The following MEI1 variants were observed in gnomAD, a reference collection of about 807,000 sequenced individuals.
The protein encoded by MEI1 is meiotic double-stranded break formation protein 1, also known as meiosis inhibitor protein 1.
A neutral mutation model predicts 146.2 loss-of-function variants in MEI1; 103 were observed. That is an observed-to-expected ratio of 0.70 (90% CI 0.60 to 0.83). The LOEUF is 0.83. MEI1 is among the 40% of genes least tolerant of loss of function. The pLI is 0.00. For synonymous variants in MEI1, 652 were observed against 628.2 expected (o/e 1.04, Z -0.57); for missense variants, 1,529 against 1,533.0 (o/e 1.00, Z 0.04).
intron 3 of MEI1, 98 bp downstream of exon 3, chr22:41,705,652 C>A: frequency 1.0e-6 from 1 of 999,762 alleles, no homozygotes; most frequent in Non-Finnish European, 1.6e-6. Context: ...TCTGTTTAGA[C>A]ACAGATAAGA....
intron 6 of MEI1, 82 bp from the exon 7 acceptor site, chr22:41,723,860 TG>T (rs1008885985): frequency 6.8e-7 from 1 of 1,476,016 alleles, no homozygotes; most frequent in African/African-American, 1.4e-5. Flanking sequence ...GAAGTTTCTC[TG>T]GGGATGTCTG....
At chr22:41,721,753 G>A (rs1017186959) in intron 6 of MEI1, among the ~76,000 whole-genome samples, 1 of 114,508 alleles carries the variant, frequency 8.7e-6, no homozygotes, top group Non-Finnish European at 1.6e-5. Flanking sequence ...ATGGAGTCTC[G>A]CTCTTTCACC....
chr22:41,795,842 C>T lies in MEI1; in HGVS notation c.3774C>T (p.Asp1258=). 2 of 1,613,446 alleles carry T rather than the reference C, an allele frequency of 1.2e-6. No homozygotes were observed. The highest frequency in any genetic ancestry group is 1.7e-6 in the Non-Finnish European group (2 of 1,179,644). The change falls in exon 30 of 31, where the codon GAC becomes GAT. Residue 1258 remains aspartate, a synonymous_variant. Coordinates refer to ENST00000401548, the MANE Select transcript of MEI1 (RefSeq NM_152513.4). This position sits in a 1 kb window ranked among gnomAD's most constrained non-coding sequence, Gnocchi z 4.2. ...STSSGQPPLQ[D]MLCLGGVAVS... is the part of the protein sequence containing the mutation. ...CCTCAGGCCAGCCACCCCTGCAGGA[C>T]ATGCTGTATCCTTTCTTGCATCTAT...
At position 41,736,454 on chromosome 22, in the gene MEI1, C is replaced by T. The variant is rs576160824; in HGVS notation, c.1331+3851C>T. ...ATTTTTAGTAGAGACAGGGTTTCAC[C>T]GTGTTAGCCAGGATGGTCTCGATCT... is the stretch of plus-strand genomic sequence containing the variant. On this transcript the variant is annotated intron_variant, in intron 11 of 30. Transcript: ENST00000401548. Among the ~76,000 whole-genome samples the T allele has an allele frequency of 1.6e-4, 25 of 151,910 alleles. 1 individual carries two copies. Among genetic ancestry groups the T allele is most frequent in the Admixed American group, 5.9e-4 (9 of 15,212 alleles).
chr22:41,781,954 G>C (rs537366546), intron 24 of MEI1, 109 bp downstream of exon 24: 20 of 1,271,570 alleles, frequency 1.6e-5, no homozygotes, highest in Middle Eastern at 2.4e-4. Context: ...GTGTGACCTT[G>C]GCAAGGTATT....
intron 20 of MEI1, among the ~76,000 whole-genome samples, chr22:41,773,813 T>C (rs1261229230): frequency 6.6e-6 from 1 of 152,138 alleles, no homozygotes; most frequent in Non-Finnish European, 1.5e-5. Context: ...AGGCGGAGGT[T>C]GCAGTGAGCC....
chr22:41,789,373 A>G (rs2076097099), intron 26 of MEI1, among the ~76,000 whole-genome samples: 1 of 152,206 alleles, frequency 6.6e-6, no homozygotes, highest in African/African-American at 2.4e-5. Flanking sequence ...TATGTTGTCC[A>G]GGCTGGTCTT....
At chr22:41,713,539 T>TTTTTG (rs1569157082) in intron 3 of MEI1, among the ~76,000 whole-genome samples, 2 of 152,124 alleles carry the variant, frequency 1.3e-5, no homozygotes, top group Non-Finnish European at 2.9e-5. Context: ...CATAGTTGTT[T>TTTTTG]TTTTGTTTTG....
intron 3 of MEI1, among the ~76,000 whole-genome samples, chr22:41,707,601 G>T (rs1028628559): frequency 7.2e-5 from 11 of 152,096 alleles, no homozygotes; most frequent in African/African-American, 2.7e-4. Context: ...TTGAGCTCAG[G>T]AGTTCAAGTC....
intron 20 of MEI1, among the ~76,000 whole-genome samples, chr22:41,772,297 C>G (rs915647599): frequency 6.6e-6 from 1 of 152,070 alleles, no homozygotes; most frequent in African/African-American, 2.4e-5. Flanking sequence ...TCATGGCTCA[C>G]TGCAGCGTCA....
intron 5 of MEI1, among the ~76,000 whole-genome samples, chr22:41,716,453 T>C (rs936592004): frequency 1.1e-4 from 15 of 140,534 alleles, no homozygotes; most frequent in African/African-American, 4.1e-4. Context: ...CTCGACTCAC[T>C]GCAACCTCCA....
chr22:41,710,265 G>A (rs1040930841), intron 3 of MEI1, among the ~76,000 whole-genome samples: 6 of 152,146 alleles, frequency 3.9e-5, no homozygotes, highest in African/African-American at 1.4e-4. Flanking sequence ...CTGACACTTT[G>A]ATCTTGGGCT....
chr22:41,715,004 A>C (rs1007434476), intron 4 of MEI1, among the ~76,000 whole-genome samples: 4 of 152,234 alleles, frequency 2.6e-5, no homozygotes, highest in African/African-American at 7.2e-5. Context: ...TAAAACCATC[A>C]AGAACATTTC....
chr22:41,778,793 C>G lies in MEI1; in HGVS notation c.2796C>G (p.Ala932=). ...CAGAGCAAGAACTGGACAGCGTGGC[C>G]ATGAAGCTCCTTCACCAAGGTGCCC... ...NVSEQELDSV[A]MKLLHQVSKL... Residue 932 remains alanine (A), a synonymous_variant, in exon 22 of 31, where the codon GCC becomes GCG. Coordinates refer to ENST00000401548, the MANE Select transcript of MEI1 (RefSeq NM_152513.4). 6.2e-7 allele frequency: 1 copy of G among 1,605,108 alleles called. No individual in the cohort carries two copies. The highest frequency in any genetic ancestry group is 8.5e-7 in the Non-Finnish European group (1 of 1,175,944).
intron 18 of MEI1, 63 bp downstream of exon 18, chr22:41,758,596 A>C (rs1330759687): frequency 1.3e-6 from 2 of 1,508,976 alleles, no homozygotes; most frequent in Non-Finnish European, 1.8e-6. Context: ...AGTTCAGTTC[A>C]ATAAATAAGG....
At chr22:41,753,859 C>A in intron 16 of MEI1, 90 bp from the exon 17 acceptor site, 1 of 897,504 alleles carries the variant, frequency 1.1e-6, no homozygotes, top group South Asian at 1.4e-5. Context: ...TGGCACAAAG[C>A]AGTGGTGCCC....
At chr22:41,704,499 C>T (rs2068937439) in intron 2 of MEI1, among the ~76,000 whole-genome samples, 1 of 151,820 alleles carries the variant, frequency 6.6e-6, no homozygotes, top group Admixed American at 6.6e-5. Context: ...CTGCAACCTC[C>T]ACCTCCTGAG....
At chr22:41,788,767 C>T (rs183149541) in intron 26 of MEI1, among the ~76,000 whole-genome samples, 1 of 152,122 alleles carries the variant, frequency 6.6e-6, no homozygotes, top group Non-Finnish European at 1.5e-5. Flanking sequence ...ATAGCACTTT[C>T]ACCATTCGCC....
chr22:41,773,230 G>A (rs2075279724), intron 20 of MEI1, among the ~76,000 whole-genome samples: 1 of 152,146 alleles, frequency 6.6e-6, no homozygotes, highest in Non-Finnish European at 1.5e-5. Flanking sequence ...GTTTCACTTG[G>A]CATAGAGCTT....
Sources: allele counts gnomAD v4.1 joint callset (sites outside exome capture counted in the v4.1 genomes callset), GRCh38; gene constraint gnomAD v4.1.1; non-coding constraint Gnocchi (gnomAD v3.1); transcripts MANE v1.5; gene names NCBI Gene and HGNC (gene_info 2026-07-23, HGNC 2026-07-21).